The following ROBO2 variants were observed in gnomAD, a reference collection of about 807,000 sequenced individuals.
ROBO2 encodes roundabout homolog 2.
Under a neutral mutation model 160.8 loss-of-function variants are expected in ROBO2, and 53 were observed. The observed-to-expected ratio is 0.33, with a 90% CI of 0.26 to 0.41. ROBO2 has a LOEUF of 0.41. Among genes scored for constraint, ROBO2 ranks in the 10% least tolerant of loss-of-function variants. The pLI is 1.00. For missense variants in ROBO2, 1,577 were observed against 1,722.4 expected (o/e 0.92, Z 1.49); for synonymous variants, 664 against 611.7 (o/e 1.09, Z -1.26).
intron 2 of ROBO2, among the ~76,000 whole-genome samples, chr3:77,180,228 G>A (rs1375623566): frequency 1.3e-5 from 2 of 151,694 alleles, no homozygotes; most frequent in Non-Finnish European, 2.9e-5. Context: ...TAAATTCTAT[G>A]TTGCAGCCCA....
At chr3:76,029,259 C>A (rs749947945) in intron 2 of ROBO2, among the ~76,000 whole-genome samples, 7 of 151,888 alleles carry the variant, frequency 4.6e-5, no homozygotes, top group Non-Finnish European at 1.0e-4. Flanking sequence ...TTTATCATTT[C>A]TATTTGTTTT....
At chr3:77,419,285 C>A (rs996590622) in intron 2 of ROBO2, among the ~76,000 whole-genome samples, 1 of 151,882 alleles carries the variant, frequency 6.6e-6, no homozygotes, top group African/African-American at 2.4e-5. Flanking sequence ...TAGCAATAAC[C>A]GTCATGTATT....
intron 2 of ROBO2, among the ~76,000 whole-genome samples, chr3:76,465,082 A>G (rs556382266): frequency 1.3e-4 from 20 of 152,284 alleles, no homozygotes; most frequent in African/African-American, 4.8e-4. Context: ...AATGTTTGGC[A>G]CACAGAATAA....
intron 19 of ROBO2, among the ~76,000 whole-genome samples, chr3:77,600,986 C>G (rs2094418636): frequency 6.6e-6 from 1 of 152,136 alleles, no homozygotes; most frequent in South Asian, 2.1e-4. Context: ...CATATCCGCT[C>G]AGCTGTAAAA....
rs544673678 is a variant in ROBO2, at chr3:76,471,997, A to G, written c.109+534395A>G. Among the ~76,000 whole-genome samples, 63 of 152,002 alleles carry G rather than the reference A, an allele frequency of 4.1e-4. 1 individual carries two copies. The highest frequency in any genetic ancestry group is 1.4e-3 in the African/African-American group (59 of 41,498). ...ACATGTGGAGATTATGGGAACTACA[A>G]TTCAAGATGAGATTTGGGTGGGGAC... On this transcript the variant is annotated intron_variant, in intron 2 of 26. Coordinates refer to the ROBO2 transcript ENST00000487694.
At chr3:77,108,715 A>T (rs2073185279) in intron 2 of ROBO2, among the ~76,000 whole-genome samples, 2 of 152,104 alleles carry the variant, frequency 1.3e-5, no homozygotes, top group Admixed American at 1.3e-4. Context: ...TGAAAGATGG[A>T]CTTAGAAAAC....
intron 2 of ROBO2, among the ~76,000 whole-genome samples, chr3:76,715,606 C>G (rs1174230576): frequency 2.0e-5 from 3 of 152,146 alleles, no homozygotes; most frequent in African/African-American, 7.2e-5. Context: ...AAATGTGTGT[C>G]ATGTGGAAAG....
chr3:77,406,378 G>A (rs1019679889), intron 2 of ROBO2, among the ~76,000 whole-genome samples: 6 of 152,176 alleles, frequency 3.9e-5, no homozygotes, highest in African/African-American at 1.2e-4. Flanking sequence ...TATTTGTGTT[G>A]TGATGCTATC....
chr3:77,602,164 T>C, intron 19 of ROBO2, 46 bp from the exon 21 acceptor site: 1 of 1,605,898 alleles, frequency 6.2e-7, no homozygotes, highest in Non-Finnish European at 8.5e-7. Context: ...AGTTTTGGGC[T>C]TCCGGTGCCT....
At chr3:77,044,367 G>A (rs555420023) in intron 1 of ROBO2, among the ~76,000 whole-genome samples, 5 of 152,220 alleles carry the variant, frequency 3.3e-5, no homozygotes, top group Admixed American at 6.5e-5. Flanking sequence ...AAATAGTTCC[G>A]GCAGTCTACA....
At chr3:77,020,540 C>A (rs892740245) in intron 2 of ROBO2, among the ~76,000 whole-genome samples, 1 of 151,980 alleles carries the variant, frequency 6.6e-6, no homozygotes, top group East Asian at 1.9e-4. Context: ...CAGTATTGTT[C>A]GTATAAGGAA....
chr3:76,170,518 C>T (rs968564385), intron 2 of ROBO2, among the ~76,000 whole-genome samples: 16 of 152,104 alleles, frequency 1.1e-4, no homozygotes, highest in African/African-American at 2.2e-4. Context: ...TTTTATACTA[C>T]GCAAATTAGA....
chr3:77,259,516 A>G (rs1352215499), intron 2 of ROBO2, among the ~76,000 whole-genome samples: 1 of 152,196 alleles, frequency 6.6e-6, no homozygotes, highest in Non-Finnish European at 1.5e-5. Context: ...CAGCTGAACG[A>G]AAGTACTAAA....
chr3:77,425,669 C>T (rs1321491514), intron 2 of ROBO2, among the ~76,000 whole-genome samples: 1,537 of 140,626 alleles, frequency 0.011, 20 homozygotes, highest in Middle Eastern at 0.023. Flanking sequence ...CAATATGACT[C>T]TTTTTTTTTT....
chr3:76,476,565 A>C (rs1182253309), intron 2 of ROBO2, among the ~76,000 whole-genome samples: 2 of 152,154 alleles, frequency 1.3e-5, no homozygotes, highest in Non-Finnish European at 2.9e-5. Flanking sequence ...GAAATATCTT[A>C]TGGATAAAAT....
At chr3:76,964,154 T>C (rs1409029894) in intron 2 of ROBO2, among the ~76,000 whole-genome samples, 1 of 152,322 alleles carries the variant, frequency 6.6e-6, no homozygotes, top group South Asian at 2.1e-4. Flanking sequence ...GAATATTCTT[T>C]GGAAATTTTG....
intron 2 of ROBO2, among the ~76,000 whole-genome samples, chr3:76,414,848 A>G (rs1028671746): frequency 6.6e-5 from 10 of 152,150 alleles, no homozygotes; most frequent in African/African-American, 2.4e-4. Context: ...AAAAAAAATT[A>G]TTCTAAGGGA....
intron 20 of ROBO2, among the ~76,000 whole-genome samples, chr3:77,607,267 C>T (rs1211734002): frequency 6.6e-6 from 1 of 152,128 alleles, no homozygotes; most frequent in Non-Finnish European, 1.5e-5. Context: ...CGTATCTTCG[C>T]AAAATATTTA....
Position 76,629,181 on chromosome 3 carries a change from A to T in ROBO2, c.110-468833A>T, listed in dbSNP as rs545110263. Among the ~76,000 whole-genome samples, 3 of 152,326 alleles carry T rather than the reference A, an allele frequency of 2.0e-5. No homozygotes were observed. The South Asian group carries it at 6.2e-4, about 32-fold the overall frequency. ...AATGACACAAATGGTTCAAAAAAACACTTGGATGTAAGGAGGGTGAGAGTA... is the reference window on the plus strand; with the variant it reads ...AATGACACAAATGGTTCAAAAAAACTCTTGGATGTAAGGAGGGTGAGAGTA... On this transcript the variant is annotated intron_variant, in intron 2 of 26. Transcript: ENST00000487694.
Sources: allele counts gnomAD v4.1 joint callset (sites outside exome capture counted in the v4.1 genomes callset), GRCh38; gene constraint gnomAD v4.1.1; transcripts MANE v1.5; gene names NCBI Gene and HGNC (gene_info 2026-07-23, HGNC 2026-07-21).